KLHL2: variants seen among roughly 807,000 people sequenced by gnomAD.
The protein encoded by KLHL2 is kelch-like protein 2.
A neutral mutation model predicts 75.8 loss-of-function variants in KLHL2; 15 were observed. That is an observed-to-expected ratio of 0.20 (90% CI 0.13 to 0.30). The LOEUF (loss-of-function observed/expected upper bound fraction) is 0.30. Ranked by LOEUF, KLHL2 falls within the 10% of genes least tolerant of loss-of-function variation. KLHL2 has a pLI of 1.00. For synonymous variants in KLHL2, 214 were observed against 251.9 expected, an observed-to-expected ratio of 0.85 and a Z score of 1.42; for missense variants, 381 against 741.0, an observed-to-expected ratio of 0.51 and a Z score of 5.64.
Position 165,299,621 on chromosome 4 carries a change from C to T in KLHL2, c.886C>T (p.Arg296Trp). 3.1e-6 allele frequency: 5 copies of T among 1,612,834 alleles called. No homozygotes were observed. The highest frequency in any genetic ancestry group is 3.4e-6 in the Non-Finnish European group (4 of 1,179,614). Reference sequence around the variant, plus strand: ...GCAGCGTATATTAATGAAGAGTGTCCGGACCCGGCTGAGGACACCCATGAA... The same window carrying T: ...GCAGCGTATATTAATGAAGAGTGTCTGGACCCGGCTGAGGACACCCATGAA... ...TEQRILMKSVRTRLRTPMNLP... is the reference protein window; with the variant it reads ...TEQRILMKSVWTRLRTPMNLP... Residue 296 changes from arginine to tryptophan, a missense_variant, in exon 8 of 15, where the codon CGG becomes TGG. By Grantham distance (101) the Arg-to-Trp change is moderately radical (BLOSUM62 -3). Transcript: ENST00000226725.
chr4:165,222,312 C>G (rs1738060366), intron 2 of KLHL2, among the ~76,000 whole-genome samples: 1 of 152,118 alleles, frequency 6.6e-6, no homozygotes, highest in South Asian at 2.1e-4. Flanking sequence ...TCCTGCTTAC[C>G]TGCAAGCCCT....
intron 4 of KLHL2, among the ~76,000 whole-genome samples, chr4:165,251,852 G>A (rs967791614): frequency 1.3e-5 from 2 of 151,822 alleles, no homozygotes; most frequent in Admixed American, 6.6e-5. Context: ...CTCGTGATCC[G>A]CCCGCCTCGG....
intron 6 of KLHL2, 96 bp from the exon 7 acceptor site, chr4:165,297,513 G>A (rs763417343): frequency 5.4e-5 from 40 of 738,190 alleles, no homozygotes; most frequent in Non-Finnish European, 9.3e-5. Context: ...GGATGTCTTA[G>A]CAAGAGTTAT....
chr4:165,230,378 T>A (rs1043997072), intron 3 of KLHL2, among the ~76,000 whole-genome samples: 2 of 152,198 alleles, frequency 1.3e-5, no homozygotes, highest in Non-Finnish European at 1.5e-5. Context: ...AATAATAATA[T>A]TACCCACATC....
At chr4:165,233,395 T>C (rs1739072680) in intron 3 of KLHL2, among the ~76,000 whole-genome samples, 2 of 152,242 alleles carry the variant, frequency 1.3e-5, no homozygotes, top group African/African-American at 2.4e-5. Context: ...TGCCACAGGC[T>C]AACATTTCTG....
intron 5 of KLHL2, among the ~76,000 whole-genome samples, chr4:165,285,343 GTAGT>G (rs1462793910): frequency 2.0e-5 from 3 of 152,036 alleles, no homozygotes; most frequent in Non-Finnish European, 4.4e-5. Context: ...GAGGGAAAGG[GTAGT>G]TACTTAATGA....
At chr4:165,282,546 A>G (rs1743773762) in intron 5 of KLHL2, among the ~76,000 whole-genome samples, 1 of 152,140 alleles carries the variant, frequency 6.6e-6, no homozygotes, top group Admixed American at 6.5e-5. Context: ...CAGTGTTTTG[A>G]GAAAGACTGA....
chr4:165,243,806 C>T (rs1740010752), intron 4 of KLHL2, among the ~76,000 whole-genome samples: 1 of 152,198 alleles, frequency 6.6e-6, no homozygotes, highest in Non-Finnish European at 1.5e-5. Flanking sequence ...GAGGGGCTTA[C>T]ATGGTACCAG....
At chr4:165,303,358 A>C (rs1162157781) in intron 8 of KLHL2, among the ~76,000 whole-genome samples, 1 of 152,130 alleles carries the variant, frequency 6.6e-6, no homozygotes, top group Non-Finnish European at 1.5e-5. Context: ...AATTTTAGAA[A>C]AATTGGTCTT....
chr4:165,248,561 C>G (rs1180411247), intron 4 of KLHL2, among the ~76,000 whole-genome samples: 2 of 152,186 alleles, frequency 1.3e-5, no homozygotes, highest in Admixed American at 1.3e-4. Flanking sequence ...TGGGGAGCTG[C>G]ATCTCCAGGC....
At chr4:165,246,087 C>T (rs1460464913) in intron 4 of KLHL2, among the ~76,000 whole-genome samples, 3 of 152,076 alleles carry the variant, frequency 2.0e-5, no homozygotes, top group East Asian at 1.9e-4. Flanking sequence ...GTGACTTTTA[C>T]GTTATTCTCT....
intron 11 of KLHL2, among the ~76,000 whole-genome samples, chr4:165,311,784 TCC>T (rs1302197817): frequency 6.6e-6 from 1 of 151,286 alleles, no homozygotes; most frequent in Admixed American, 6.6e-5. Context: ...TCTATCCCCC[TCC>T]CTTTATCCCT....
intron 5 of KLHL2, among the ~76,000 whole-genome samples, chr4:165,272,840 T>C (rs1469914334): frequency 3.9e-5 from 6 of 152,238 alleles, no homozygotes; most frequent in African/African-American, 1.4e-4. Flanking sequence ...TTTCTTAGTT[T>C]GTAGAATCCT....
rs1178261958 is a variant in KLHL2, at chr4:165,301,612, G to A, written c.921+1956G>A. ...AATTCATATTTGTCCATCTTATTTG[G>A]TGTCAGTTTTTGTTCTTACAAAATA... On this transcript the variant is annotated intron_variant, in intron 8 of 14. Transcript: ENST00000226725. 2.0e-5 allele frequency among the ~76,000 whole-genome samples: 3 copies of A among 152,034 alleles called. No homozygotes were observed. The South Asian group carries it at 6.2e-4, about 31-fold the overall frequency.
intron 1 of KLHL2, chr4:165,210,316 C>T: frequency 5.7e-6 from 5 of 876,456 alleles, no homozygotes; most frequent in Non-Finnish European, 9.2e-6. Context: ...CCACCTTGTT[C>T]TCCACTGGCC....
chr4:165,299,275 GTTC>G (rs1056972415), intron 7 of KLHL2, among the ~76,000 whole-genome samples: 7 of 152,170 alleles, frequency 4.6e-5, no homozygotes, highest in African/African-American at 1.2e-4. Flanking sequence ...TTTCACTGTG[GTTC>G]TTCTTTTTAT....
At chr4:165,242,032 T>G (rs889119936) in intron 4 of KLHL2, among the ~76,000 whole-genome samples, 1 of 152,196 alleles carries the variant, frequency 6.6e-6, no homozygotes, top group African/African-American at 2.4e-5. Flanking sequence ...GTTTTTAAAC[T>G]TTGGCTTTAA....
At chr4:165,277,942 T>A (rs1338482100) in intron 5 of KLHL2, 1 of 945,574 alleles carries the variant, frequency 1.1e-6, no homozygotes, top group Non-Finnish European at 1.8e-6. Context: ...TCTTTCATTA[T>A]GTAAAAAGCT....
At chr4:165,262,287 C>G (rs1385305772) in intron 4 of KLHL2, among the ~76,000 whole-genome samples, 1 of 152,140 alleles carries the variant, frequency 6.6e-6, no homozygotes, top group Non-Finnish European at 1.5e-5. Context: ...ATTACATTTT[C>G]CTTGTTAGCA....
Sources: gnomAD v4.1 joint callset for allele counts (sites outside exome capture counted in the v4.1 genomes callset) on GRCh38, gnomAD v4.1.1 for gene constraint, MANE v1.5 for transcripts, NCBI Gene and HGNC (gene_info 2026-07-23, HGNC 2026-07-21) for gene names.